Variants in GALNTL5 observed in about 807,000 individuals in gnomAD.
GALNTL5 encodes inactive polypeptide N-acetylgalactosaminyltransferase-like protein 5.
Under a neutral mutation model 51.0 loss-of-function variants are expected in GALNTL5, and 44 were observed. The observed-to-expected ratio is 0.86, with a 90% CI of 0.68 to 1.11. GALNTL5 has a LOEUF of 1.11. GALNTL5 is among the 50% of genes least tolerant of loss of function. The pLI is 0.00. For missense variants in GALNTL5, 528 were observed against 531.8 expected, an observed-to-expected ratio of 0.99 and a Z score of 0.07; for synonymous variants, 192 against 182.8, an observed-to-expected ratio of 1.05 and a Z score of -0.41.
At chr7:152,004,697 A>C (rs1330446942) in intron 6 of GALNTL5, among the ~76,000 whole-genome samples, 2 of 152,208 alleles carry the variant, frequency 1.3e-5, no homozygotes, top group Non-Finnish European at 2.9e-5. Flanking sequence ...AAATGAGAAC[A>C]TGTGTATTTC....
chr7:151,959,238 T>A (rs893851713), intron 1 of GALNTL5, among the ~76,000 whole-genome samples: 1 of 152,188 alleles, frequency 6.6e-6, no homozygotes, highest in Non-Finnish European at 1.5e-5. Flanking sequence ...TTACCTTTTT[T>A]TTTTAACTAG....
rs111512463 is a variant in GALNTL5, at chr7:152,018,054, C to T, written c.1177-1592C>T. ...AGAGACGGGGTTTCACCATATTGGCCAGGCTGGTCTTGAACTCCTGACCTC... is the reference window on the plus strand; with the variant it reads ...AGAGACGGGGTTTCACCATATTGGCTAGGCTGGTCTTGAACTCCTGACCTC... On this transcript the variant is annotated intron_variant, in intron 8 of 8. Transcript: ENST00000392800. 2.2e-3 allele frequency among the ~76,000 whole-genome samples: 331 copies of T among 152,278 alleles called. 1 individual carries two copies. The highest frequency in any genetic ancestry group is 7.6e-3 in the African/African-American group (317 of 41,556).
chr7:151,970,438 A>G (rs777428795), intron 2 of GALNTL5, among the ~76,000 whole-genome samples: 4 of 152,152 alleles, frequency 2.6e-5, no homozygotes, highest in African/African-American at 4.8e-5. Context: ...TTGTCCCACA[A>G]TGTTGAAGGT....
intron 5 of GALNTL5, among the ~76,000 whole-genome samples, chr7:152,002,169 A>C (rs562680553): frequency 6.6e-6 from 1 of 152,158 alleles, no homozygotes; most frequent in East Asian, 1.9e-4. Flanking sequence ...AATCCCAGCT[A>C]CTTGGGAGGC....
rs2081125555 is a variant in GALNTL5 at position 151,970,817 on chromosome 7, C to T, written c.248-128C>T. 7 of 703,366 alleles carry T rather than the reference C, an allele frequency of 1.0e-5. No individual in the cohort carries two copies. The South Asian group carries it at 1.1e-4, about 12-fold the overall frequency. 43.6% of individuals were successfully genotyped at this position (703,366 alleles called of 1,614,324 possible). A position where few individuals can be genotyped will look rare whatever the true frequency, so the allele number is the denominator to read the frequency against. On this transcript the variant is annotated intron_variant, in intron 2 of 8. Coordinates refer to ENST00000392800, the MANE Select transcript of GALNTL5 (RefSeq NM_145292.4). ...GCCAAGAATTATTTGACCATTTTTGCACAGATCGATTTCCGAATTCTATTC... is the reference window on the plus strand; with the variant it reads ...GCCAAGAATTATTTGACCATTTTTGTACAGATCGATTTCCGAATTCTATTC...
chr7:151,987,113 C>T, intron 4 of GALNTL5, 46 bp from the exon 5 acceptor site: 1 of 1,494,070 alleles, frequency 6.7e-7, no homozygotes, highest in Non-Finnish European at 9.1e-7. Flanking sequence ...GTTTCAATTT[C>T]TATAGTTGCC....
chr7:151,972,063 C>T (rs2081151432), intron 3 of GALNTL5, among the ~76,000 whole-genome samples: 1 of 152,138 alleles, frequency 6.6e-6, no homozygotes, highest in Non-Finnish European at 1.5e-5. Context: ...AATGTAGAAG[C>T]AACTTGGGAA....
intron 8 of GALNTL5, among the ~76,000 whole-genome samples, chr7:152,018,594 T>C (rs2081849002): frequency 2.6e-5 from 4 of 152,146 alleles, no homozygotes; most frequent in Admixed American, 2.6e-4. Flanking sequence ...TAAAAATCAA[T>C]GGATTGCATA....
Position 152,019,680 on chromosome 7 carries a change from A to G in GALNTL5, c.1211A>G (p.Tyr404Cys), listed in dbSNP as rs374143287. 2 of 1,607,148 alleles carry G rather than the reference A, an allele frequency of 1.2e-6. No homozygotes were observed. The highest frequency in any genetic ancestry group is 2.2e-5 in the South Asian group (2 of 90,804). Residue 404 changes from tyrosine to cysteine, a missense_variant, in exon 9 of 9, where the codon TAT becomes TGT. Coordinates refer to ENST00000392800, the MANE Select transcript of GALNTL5 (RefSeq NM_145292.4). Reference protein sequence around the residue: ...QFFLRKPGLKYVTYGNIRERV... With the variant: ...QFFLRKPGLKCVTYGNIRERV... ...TTTCTTCGAAAGCCTGGTCTGAAAT[A>G]TGTCACCTACGGAAATATTCGCGAG...
chr7:152,003,083 T>A (rs998157335), intron 6 of GALNTL5, 120 bp downstream of exon 6: 7 of 818,910 alleles, frequency 8.5e-6, no homozygotes, highest in Admixed American at 2.5e-5. Flanking sequence ...ATGTTACTTG[T>A]TTCTAGAAGT....
intron 7 of GALNTL5, among the ~76,000 whole-genome samples, chr7:152,012,430 A>T (rs777517308): frequency 1.4e-4 from 11 of 78,414 alleles, no homozygotes; most frequent in Non-Finnish European, 2.4e-4. Context: ...GGCTGTGGAG[A>T]GAAGGGAATG....
At chr7:151,964,795 G>A (rs1355567376) in intron 1 of GALNTL5, among the ~76,000 whole-genome samples, 3 of 152,118 alleles carry the variant, frequency 2.0e-5, no homozygotes, top group African/African-American at 4.8e-5. Context: ...CCAGGGAGCC[G>A]CCTGCCTTAT....
At chr7:151,987,571 A>T (rs2081373490) in intron 5 of GALNTL5, among the ~76,000 whole-genome samples, 1 of 130,552 alleles carries the variant, frequency 7.7e-6, no homozygotes, top group Non-Finnish European at 1.6e-5. Context: ...AGTTTCAACC[A>T]CAGGGGACCC....
chr7:151,982,734 C>A, intron 3 of GALNTL5: 1 of 600,042 alleles, frequency 1.7e-6, no homozygotes, highest in Non-Finnish European at 2.8e-6. Flanking sequence ...CTGAGATTAT[C>A]AACACAGTCT....
Position 151,971,075 on chromosome 7 carries a change from C to G in GALNTL5, c.368+10C>G. 6.3e-7 allele frequency: 1 copy of G among 1,589,906 alleles called. No homozygotes were observed. Reference sequence around the variant, plus strand: ...ATACCAGGAGTAAAATGTATGTTGTCTCTCTCTTTCTCTCATTCTCTAGAT... The same window carrying G: ...ATACCAGGAGTAAAATGTATGTTGTGTCTCTCTTTCTCTCATTCTCTAGAT... On this transcript the variant is annotated intron_variant, in intron 3 of 8. Coordinates refer to ENST00000392800, the MANE Select transcript of GALNTL5 (RefSeq NM_145292.4).
chr7:151,962,440 T>C (rs797002838), intron 1 of GALNTL5, among the ~76,000 whole-genome samples: 15 of 114,374 alleles, frequency 1.3e-4, no homozygotes, highest in Admixed American at 2.7e-4. Context: ...TTTTTTCTTT[T>C]TTTTTTTTTT....
chr7:152,017,710 T>C (rs114005340), intron 8 of GALNTL5, among the ~76,000 whole-genome samples: 3,051 of 152,312 alleles, frequency 0.02, 102 homozygotes, highest in African/African-American at 0.069. Flanking sequence ...CATATAAACA[T>C]ATCTCATTTT....
chr7:151,972,993 A>G (rs2081163671), intron 3 of GALNTL5, among the ~76,000 whole-genome samples: 4 of 152,132 alleles, frequency 2.6e-5, no homozygotes, highest in South Asian at 2.1e-4. Context: ...AGCTTGCACC[A>G]TGCACTTGGA....
intron 5 of GALNTL5, among the ~76,000 whole-genome samples, chr7:151,990,690 G>C (rs1319186833): frequency 1.3e-5 from 2 of 151,872 alleles, no homozygotes; most frequent in Admixed American, 6.6e-5. Flanking sequence ...TGGGATGTGA[G>C]TGCAAGTAAC....
Sources: allele counts gnomAD v4.1 joint callset (sites outside exome capture counted in the v4.1 genomes callset), GRCh38; gene constraint gnomAD v4.1.1; transcripts MANE v1.5; gene names NCBI Gene and HGNC (gene_info 2026-07-23, HGNC 2026-07-21).